MYPN: variants seen among roughly 807,000 people sequenced by gnomAD.
The protein encoded by MYPN is myopalladin, also known as sarcomeric protein myopalladin, 145 kDa (MYOP).
Under a neutral mutation model 129.4 loss-of-function variants are expected in MYPN, and 63 were observed. The observed-to-expected ratio is 0.49, with a 90% CI of 0.40 to 0.60. The LOEUF (loss-of-function observed/expected upper bound fraction) is 0.60. Among genes scored for constraint, MYPN ranks in the 20% least tolerant of loss-of-function variants. The pLI, the probability that MYPN is intolerant of heterozygous loss-of-function variation, is 0.00. For synonymous variants in MYPN, 629 were observed against 600.9 expected (o/e 1.05, Z -0.68); for missense variants, 1,596 against 1,635.4 (o/e 0.98, Z 0.42).
intron 2 of MYPN, among the ~76,000 whole-genome samples, chr10:68,127,580 G>T (rs1451070388): frequency 6.7e-6 from 1 of 148,216 alleles, no homozygotes; most frequent in Non-Finnish European, 1.5e-5. Flanking sequence ...TGATCTGCCT[G>T]CCTCGGCCTC....
chr10:68,157,763 GC>G (rs1458947579), intron 6 of MYPN, among the ~76,000 whole-genome samples: 2 of 150,532 alleles, frequency 1.3e-5, no homozygotes, highest in Non-Finnish European at 2.9e-5. Context: ...GATCGCTTGA[GC>G]CTGGGAGGTT....
chr10:68,158,551 T>C lies in MYPN; in HGVS notation c.1383T>C (p.Ala461=). 1 of 1,613,440 alleles carries C rather than the reference T, an allele frequency of 6.2e-7. No homozygotes were observed. Among genetic ancestry groups the C allele is most frequent in the Non-Finnish European group, 8.5e-7 (1 of 1,179,384 alleles). ...TCTTTGAATGCAGAGTAAAAGGAGCTCCATCTCCTAAGGTTGAGTGGTATA... is the reference window on the plus strand; with the variant it reads ...TCTTTGAATGCAGAGTAAAAGGAGCCCCATCTCCTAAGGTTGAGTGGTATA... The part of the protein sequence containing the change: ...LVVFECRVKG[A]PSPKVEWYRE... Residue 461 remains alanine (A), a synonymous_variant, in exon 7 of 20, where the codon GCT becomes GCC. Transcript: ENST00000358913.
intron 2 of MYPN, among the ~76,000 whole-genome samples, chr10:68,141,210 A>T (rs1302272162): frequency 6.7e-6 from 1 of 149,608 alleles, no homozygotes; most frequent in Non-Finnish European, 1.5e-5. Context: ...CTCTACTAAA[A>T]ATACAAAAAT....
At chr10:68,162,768 C>A (rs2042998084) in intron 8 of MYPN, among the ~76,000 whole-genome samples, 1 of 152,108 alleles carries the variant, frequency 6.6e-6, no homozygotes, top group Non-Finnish European at 1.5e-5. Flanking sequence ...CCAGCCTGGC[C>A]AACATACATA....
intron 12 of MYPN, among the ~76,000 whole-genome samples, chr10:68,188,459 T>C (rs2043456900): frequency 2.0e-5 from 3 of 151,546 alleles, no homozygotes; most frequent in Admixed American, 2.0e-4. Context: ...TAGAGATATA[T>C]TTTTCAAGAC....
chr10:68,190,970 C>T lies in MYPN; in HGVS notation c.2925+1844C>T, dbSNP rs182084743. ...CCTTTCTCTCAATGTATGTTCTTGG[C>T]GCCTTTGTCAAAAATGAGTTGGCTA... is the stretch of plus-strand genomic sequence containing the variant. On this transcript the variant is annotated intron_variant, in intron 13 of 19. Transcript: ENST00000358913. Among the ~76,000 whole-genome samples the T allele has an allele frequency of 8.5e-4, 129 of 152,192 alleles. No individual in the cohort carries two copies. In the South Asian group the frequency reaches 0.013, roughly 16 times the overall value.
intron 2 of MYPN, among the ~76,000 whole-genome samples, chr10:68,125,605 G>T (rs1376511080): frequency 6.6e-6 from 1 of 152,166 alleles, no homozygotes; most frequent in Non-Finnish European, 1.5e-5. Flanking sequence ...CAAGGAGCTT[G>T]CAATACAGTT....
rs2043924367 is a variant in MYPN, at chr10:68,211,938, A to T, written c.*1483A>T. ...ATTGTATTTGTGTGAACAGACAGTA[A>T]CTGCTTAGAAAGGCTTGAAACTGTC... On this transcript the variant is annotated 3_prime_UTR_variant, in exon 20 of 20. Transcript: ENST00000358913. The T allele has an allele frequency of 2.6e-6, 1 of 391,314 alleles. No homozygotes were observed. Among genetic ancestry groups the T allele is most frequent in the African/African-American group, 2.1e-5 (1 of 47,804 alleles). The allele number at this position is 391,314 out of a possible 1,614,324, so 24.2% of individuals were successfully genotyped here. A position where few individuals can be genotyped will look rare whatever the true frequency, so the allele number is the denominator to read the frequency against.
intron 5 of MYPN, among the ~76,000 whole-genome samples, chr10:68,148,806 T>C (rs1564663039): frequency 6.6e-6 from 1 of 152,210 alleles, no homozygotes; most frequent in Non-Finnish European, 1.5e-5. Context: ...ATTAGTTTCA[T>C]GGAGCTGCAG....
rs2134290293 is a variant in MYPN at position 68,197,433 on chromosome 10, G to A, written c.3240G>A (p.Gly1080=). Residue 1080 remains glycine (G), a synonymous_variant, in exon 16 of 20, where the codon GGG becomes GGA. Transcript: ENST00000358913. ...GACCACATTTCCTGCAGGCTCCTGG[G>A]GATATGGTAGCTCATGAGGGGCGCC... ...FFRPHFLQAP[G]DMVAHEGRLC... 6.2e-7 allele frequency: 1 copy of A among 1,614,046 alleles called. No homozygotes were observed. Among genetic ancestry groups the A allele is most frequent in the South Asian group, 1.1e-5 (1 of 91,078 alleles).
intron 11 of MYPN, among the ~76,000 whole-genome samples, 197 bp downstream of exon 11, chr10:68,174,853 G>C (rs1335449364): frequency 6.6e-6 from 1 of 152,196 alleles, no homozygotes; most frequent in African/African-American, 2.4e-5. Flanking sequence ...TAAAATATCA[G>C]GCTAGGTGTG....
At chr10:68,170,348 T>C (rs1478230843) in intron 10 of MYPN, among the ~76,000 whole-genome samples, 8 of 152,236 alleles carry the variant, frequency 5.3e-5, no homozygotes, top group Non-Finnish European at 1.2e-4. Context: ...TATAATTCTT[T>C]AATATTCTTT....
chr10:68,118,542 A>G (rs963689787), intron 1 of MYPN, among the ~76,000 whole-genome samples: 4 of 152,206 alleles, frequency 2.6e-5, no homozygotes, highest in African/African-American at 7.2e-5. Flanking sequence ...ATTAAAACAC[A>G]ATATACAGGC....
intron 1 of MYPN, among the ~76,000 whole-genome samples, chr10:68,118,709 C>CTG (rs1301745967): frequency 6.6e-6 from 1 of 151,962 alleles, no homozygotes; most frequent in East Asian, 1.9e-4. Flanking sequence ...TGGTGCGTGG[C>CTG]TGTAGTCCCA....
chr10:68,129,722 C>T (rs1457119943), intron 2 of MYPN, among the ~76,000 whole-genome samples: 1 of 152,076 alleles, frequency 6.6e-6, no homozygotes, highest in East Asian at 1.9e-4. Flanking sequence ...TACATCATTG[C>T]CAATATTGAT....
intron 1 of MYPN, among the ~76,000 whole-genome samples, chr10:68,089,443 G>A (rs2041921005): frequency 6.6e-6 from 1 of 152,142 alleles, no homozygotes; most frequent in Non-Finnish European, 1.5e-5. Flanking sequence ...CCGGGTTCAT[G>A]CCATTCTCCT....
chr10:68,095,282 C>T (rs1041984405), intron 1 of MYPN, among the ~76,000 whole-genome samples: 1 of 147,744 alleles, frequency 6.8e-6, no homozygotes, highest in South Asian at 2.1e-4. Context: ...TCTGGGAGGT[C>T]GAGGCTGTAG....
chr10:68,134,828 T>A lies in MYPN; in HGVS notation c.903-8112T>A, dbSNP rs57953673. Among the ~76,000 whole-genome samples the A allele has an allele frequency of 0.018, 2,798 of 152,152 alleles. 205 individuals carry two copies. In the East Asian group the frequency reaches 0.22, roughly 12 times the overall value. ...AATTAATTAATTAATTAAATTAAAT[T>A]AAATAGGATATGTGGTAAGGGGTGG... On this transcript the variant is annotated intron_variant, in intron 2 of 19. Transcript: ENST00000358913.
chr10:68,203,951 T>C (rs1483238733), intron 18 of MYPN, among the ~76,000 whole-genome samples: 1 of 152,206 alleles, frequency 6.6e-6, no homozygotes, highest in Non-Finnish European at 1.5e-5. Flanking sequence ...ACATTCCTTC[T>C]TTGGGAACTC....
Sources: gnomAD v4.1 joint callset for allele counts (sites outside exome capture counted in the v4.1 genomes callset) on GRCh38, gnomAD v4.1.1 for gene constraint, MANE v1.5 for transcripts, NCBI Gene and HGNC (gene_info 2026-07-23, HGNC 2026-07-21) for gene names.